Variants in CACNA2D1 observed in about 807,000 individuals in gnomAD.
CACNA2D1 encodes voltage-dependent calcium channel subunit alpha-2/delta-1.
A neutral mutation model predicts 171.5 loss-of-function variants in CACNA2D1; 53 were observed. That is an observed-to-expected ratio of 0.31 (90% CI 0.25 to 0.39). CACNA2D1 has a LOEUF of 0.39. Among genes scored for constraint, CACNA2D1 ranks in the 10% least tolerant of loss-of-function variants. CACNA2D1 has a pLI of 1.00. For synonymous variants in CACNA2D1, 442 were observed against 443.1 expected, an observed-to-expected ratio of 1.00 and a Z score of 0.03; for missense variants, 903 against 1,299.8, an observed-to-expected ratio of 0.69 and a Z score of 4.69.
intron 12 of CACNA2D1, among the ~76,000 whole-genome samples, chr7:82,017,502 C>T (rs533541133): frequency 1.2e-4 from 19 of 152,136 alleles, no homozygotes; most frequent in African/African-American, 4.6e-4. Flanking sequence ...TAAATGGTTT[C>T]ATTCCTCCTA....
At chr7:82,426,142 A>T (rs201517728) in intron 1 of CACNA2D1, among the ~76,000 whole-genome samples, 7 of 16,872 alleles carry the variant, frequency 4.1e-4, no homozygotes, top group Admixed American at 1.5e-3. Flanking sequence ...AAAATATATA[A>T]ATAAATAAAT....
At chr7:82,220,909 G>T (rs1010598970) in intron 3 of CACNA2D1, among the ~76,000 whole-genome samples, 2 of 151,640 alleles carry the variant, frequency 1.3e-5, no homozygotes, top group Non-Finnish European at 2.9e-5. Flanking sequence ...CTCCAGAGTA[G>T]CTGGGACTAT....
intron 21 of CACNA2D1, among the ~76,000 whole-genome samples, chr7:81,989,665 G>A (rs1014427182): frequency 1.5e-4 from 23 of 152,172 alleles, no homozygotes; most frequent in African/African-American, 5.1e-4. Flanking sequence ...GTCAGCTAGT[G>A]AGCATTTTAC....
chr7:82,087,444 C>A lies in CACNA2D1; in HGVS notation c.527-2544G>T, dbSNP rs80304504. Reference sequence around the variant, plus strand: ...AGAGAATATGTGTCTCCAGTTCTTCCTCAGAGTATTATAGAGCAAGAATCA... The same window carrying A: ...AGAGAATATGTGTCTCCAGTTCTTCATCAGAGTATTATAGAGCAAGAATCA... On this transcript the variant is annotated intron_variant, in intron 6 of 38. Coordinates refer to ENST00000356860, the MANE Select transcript of CACNA2D1 (RefSeq NM_000722.4). 1.6e-3 allele frequency among the ~76,000 whole-genome samples: 250 copies of A among 151,964 alleles called. 2 individuals carry two copies. In the East Asian group the frequency reaches 0.019, roughly 12 times the overall value.
At chr7:82,028,346 A>T (rs1200170196) in intron 12 of CACNA2D1, 1 of 151,820 alleles carries the variant, frequency 6.6e-6, no homozygotes, top group East Asian at 1.9e-4. Flanking sequence ...AAAAAAAATT[A>T]TTGCTCACTG....
At chr7:82,428,102 AT>A (rs11275361) in intron 1 of CACNA2D1, among the ~76,000 whole-genome samples, 22,054 of 139,598 alleles carry the variant, frequency 0.16, 1,877 homozygotes, top group African/African-American at 0.31. Flanking sequence ...AAAATAAAAA[AT>A]AAATAAAAAA....
chr7:81,977,823 AT>A (rs1446297771), intron 24 of CACNA2D1, among the ~76,000 whole-genome samples: 2 of 151,300 alleles, frequency 1.3e-5, no homozygotes, highest in Non-Finnish European at 2.9e-5. Flanking sequence ...ATGGGAGAAA[AT>A]TTTTGCAATC....
At chr7:81,974,993 TG>T (rs1795686785) in intron 24 of CACNA2D1, among the ~76,000 whole-genome samples, 1 of 151,620 alleles carries the variant, frequency 6.6e-6, no homozygotes, top group African/African-American at 2.4e-5. Flanking sequence ...GCAACAAACC[TG>T]CACGTTCTGC....
At chr7:82,197,415 A>T (rs1209763949) in intron 3 of CACNA2D1, among the ~76,000 whole-genome samples, 6 of 152,134 alleles carry the variant, frequency 3.9e-5, no homozygotes, top group Admixed American at 1.3e-4. Flanking sequence ...AAAATCATGT[A>T]TGTGCTACAA....
intron 3 of CACNA2D1, among the ~76,000 whole-genome samples, chr7:82,325,131 T>C (rs1311126512): frequency 6.6e-6 from 1 of 152,202 alleles, no homozygotes. Flanking sequence ...TCACATGTTA[T>C]TTTGTTAAAA....
chr7:82,382,299 AC>A (rs1380556538), intron 1 of CACNA2D1, among the ~76,000 whole-genome samples: 1 of 152,260 alleles, frequency 6.6e-6, no homozygotes, highest in African/African-American at 2.4e-5. Flanking sequence ...GACAGAAGCA[AC>A]TAGTCCTTCC....
At chr7:81,971,248 C>T (rs1013707036) in intron 26 of CACNA2D1, among the ~76,000 whole-genome samples, 6 of 151,410 alleles carry the variant, frequency 4.0e-5, no homozygotes, top group African/African-American at 1.5e-4. Context: ...GGAGAATTGT[C>T]TAGAAGCTGC....
At chr7:82,083,403 G>T (rs1325014117) in intron 7 of CACNA2D1, among the ~76,000 whole-genome samples, 3 of 151,572 alleles carry the variant, frequency 2.0e-5, no homozygotes, top group Non-Finnish European at 1.5e-5. Flanking sequence ...CATGAGCAGT[G>T]TTGTCTTTTT....
intron 1 of CACNA2D1, among the ~76,000 whole-genome samples, chr7:82,441,266 TGTTACTAACTTTTCAAATGAAAAACTGAA>T (rs1415904120): frequency 6.6e-6 from 1 of 152,070 alleles, no homozygotes; most frequent in Non-Finnish European, 1.5e-5. Flanking sequence ...CAGAAGACAG[TGTTACTAACTTTTCAAATGAAAAACTGAA>T]GATGCAGAAG....
chr7:82,408,383 T>A (rs141160339), intron 1 of CACNA2D1, among the ~76,000 whole-genome samples: 5 of 152,112 alleles, frequency 3.3e-5, no homozygotes, highest in Non-Finnish European at 7.4e-5. Flanking sequence ...CACAGCAGAG[T>A]GAGAAGAACA....
chr7:82,274,226 G>A (rs1183264300), intron 3 of CACNA2D1, among the ~76,000 whole-genome samples: 2 of 152,012 alleles, frequency 1.3e-5, no homozygotes, highest in Admixed American at 6.6e-5. Flanking sequence ...TCCAGTCACT[G>A]AGAGTATCTT....
At chr7:82,166,524 A>G (rs775961050) in intron 4 of CACNA2D1, among the ~76,000 whole-genome samples, 2 of 152,092 alleles carry the variant, frequency 1.3e-5, no homozygotes, top group Admixed American at 6.6e-5. Context: ...AAATTGCTTT[A>G]GTTAACCAAC....
intron 7 of CACNA2D1, among the ~76,000 whole-genome samples, chr7:82,084,484 T>C (rs1810207439): frequency 1.3e-5 from 2 of 152,138 alleles, no homozygotes; most frequent in African/African-American, 4.8e-5. Context: ...TGTTTTAAGA[T>C]TGATGGTAAT....
intron 36 of CACNA2D1, among the ~76,000 whole-genome samples, chr7:81,960,525 TTA>T (rs1793980676): frequency 6.6e-6 from 1 of 152,020 alleles, no homozygotes. Context: ...TAAGCTGCTC[TTA>T]CTTTAGTAAC....
Sources: gnomAD v4.1 joint callset for allele counts (sites outside exome capture counted in the v4.1 genomes callset) on GRCh38, gnomAD v4.1.1 for gene constraint, MANE v1.5 for transcripts, NCBI Gene and HGNC (gene_info 2026-07-23, HGNC 2026-07-21) for gene names.